The following RAB11FIP3 variants were observed in gnomAD, a reference collection of about 807,000 sequenced individuals.
RAB11FIP3 encodes the protein RAB11 family interacting protein 3.
RAB11FIP3 carries 17 observed loss-of-function variants against 77.8 expected under a neutral mutation model. That is an observed-to-expected ratio of 0.22 (90% CI 0.15 to 0.33). The LOEUF (loss-of-function observed/expected upper bound fraction) is 0.33. RAB11FIP3 is among the 10% of genes least tolerant of loss of function. RAB11FIP3 has a pLI of 1.00. For missense variants in RAB11FIP3, 1,005 were observed against 1,011.2 expected (o/e 0.99, Z 0.08); for synonymous variants, 437 against 448.2 (o/e 0.98, Z 0.31).
rs2055820103 is a variant in RAB11FIP3, at chr16:472,109, C to T, written c.903+720C>T. Among the ~76,000 whole-genome samples, 1 of 152,202 alleles carries T rather than the reference C, an allele frequency of 6.6e-6. No individual in the cohort carries two copies. The highest frequency in any genetic ancestry group is 1.5e-5 in the Non-Finnish European group (1 of 68,036). On this transcript the variant is annotated intron_variant, in intron 3 of 13. Transcript: ENST00000262305. The surrounding 1 kb of genome is among the most constrained non-coding windows in gnomAD (Gnocchi z 4.1). The stretch of plus-strand genomic sequence containing the variant: ...CTGCTGGCCGGTAGGGCCTGGGCTT[C>T]TCATGTCAGTCCTCTGAGCCCTGAC...
intron 1 of RAB11FIP3, among the ~76,000 whole-genome samples, chr16:435,365 A>G (rs754357563): frequency 2.0e-5 from 3 of 152,174 alleles, no homozygotes; most frequent in Non-Finnish European, 4.4e-5. Flanking sequence ...AAATTCTGGA[A>G]ACATTCAATG....
At chr16:496,897 A>T in intron 6 of RAB11FIP3, 38 bp downstream of exon 6, 4 of 1,509,992 alleles carry the variant, frequency 2.6e-6, no homozygotes, top group Non-Finnish European at 2.7e-6. Context: ...AAACGTTCTG[A>T]AGTGGATAAT....
Position 496,848 on chromosome 16 carries a change from G to A in RAB11FIP3, c.1290G>A (p.Lys430=), listed in dbSNP as rs777681682. The A allele has an allele frequency of 6.3e-7, 1 of 1,594,330 alleles. No homozygotes were observed. The highest frequency in any genetic ancestry group is 1.1e-5 in the South Asian group (1 of 90,626). The change falls in exon 6 of 14, where the codon AAG becomes AAA. Residue 430 remains lysine, a synonymous_variant. Transcript: ENST00000262305. ...TPSPTKRLSS[K]KVARYLHQSG... is the part of the protein sequence containing the mutation. ...GTCCGACAAAGCGGCTCTCCAGCAA[G>A]AAGGTGGCAAGGTAGGTGGGTCTCT...
intron 5 of RAB11FIP3, among the ~76,000 whole-genome samples, chr16:492,456 T>C (rs34282846): frequency 0.11 from 1,853 of 17,112 alleles, 169 homozygotes; most frequent in East Asian, 0.29. Flanking sequence ...CCAGGGCCCT[T>C]CCCGGGGAGA....
intron 2 of RAB11FIP3, among the ~76,000 whole-genome samples, chr16:465,482 G>T (rs2055686397): frequency 6.6e-6 from 1 of 152,226 alleles, no homozygotes; most frequent in Non-Finnish European, 1.5e-5. Flanking sequence ...AAGATTGGAG[G>T]AGGGAAAATG....
intron 5 of RAB11FIP3, among the ~76,000 whole-genome samples, chr16:492,271 G>T (rs899151763): frequency 1.3e-5 from 2 of 151,350 alleles, no homozygotes; most frequent in African/African-American, 4.9e-5. Context: ...TGGAGAGGAT[G>T]GGGGTGGGGC....
chr16:482,224 GTT>G (rs1361769686), intron 3 of RAB11FIP3, among the ~76,000 whole-genome samples: 1 of 152,216 alleles, frequency 6.6e-6, no homozygotes, highest in East Asian at 1.9e-4. Context: ...ATCTAGGTAA[GTT>G]TTGTATTTTT....
At chr16:449,088 C>G (rs1483644290) in intron 1 of RAB11FIP3, among the ~76,000 whole-genome samples, 5 of 152,102 alleles carry the variant, frequency 3.3e-5, no homozygotes, top group Admixed American at 6.6e-5. Flanking sequence ...CAGTAGAGTC[C>G]TCCTCATGCT....
chr16:464,502 C>T (rs1476177721), intron 2 of RAB11FIP3, among the ~76,000 whole-genome samples: 2 of 152,200 alleles, frequency 1.3e-5, no homozygotes, highest in Non-Finnish European at 2.9e-5. Context: ...TGGGACATGG[C>T]AGCTGTGCCC....
Position 472,439 on chromosome 16 carries a change from T to A in RAB11FIP3, c.903+1050T>A, listed in dbSNP as rs1206253649. Reference sequence around the variant, plus strand: ...CGTGAGGCAGCAGTGAGGTGCTGGCTAAGAGGGCGTGTGGTGGGAGTTGGA... The same window carrying A: ...CGTGAGGCAGCAGTGAGGTGCTGGCAAAGAGGGCGTGTGGTGGGAGTTGGA... On this transcript the variant is annotated intron_variant, in intron 3 of 13. Coordinates refer to ENST00000262305, the MANE Select transcript of RAB11FIP3 (RefSeq NM_014700.4). The surrounding 1 kb of genome is among the most constrained non-coding windows in gnomAD (Gnocchi z 4.1). Among the ~76,000 whole-genome samples the A allele has an allele frequency of 6.6e-6, 1 of 152,198 alleles. No homozygotes were observed. Among genetic ancestry groups the A allele is most frequent in the African/African-American group, 2.4e-5 (1 of 41,440 alleles).
intron 9 of RAB11FIP3, among the ~76,000 whole-genome samples, chr16:512,962 G>A (rs1323266434): frequency 6.6e-6 from 1 of 151,308 alleles, no homozygotes; most frequent in African/African-American, 2.4e-5. Context: ...GATTACCAGC[G>A]TGAGCCACTG....
intron 1 of RAB11FIP3, among the ~76,000 whole-genome samples, chr16:455,157 T>C (rs972723485): frequency 1.3e-5 from 2 of 150,884 alleles, no homozygotes; most frequent in East Asian, 2.0e-4. Flanking sequence ...TACAGTGATA[T>C]GTAAAAATCA....
intron 3 of RAB11FIP3, chr16:482,253 A>T (rs143489661): frequency 5.0e-6 from 3 of 605,736 alleles, no homozygotes; most frequent in Non-Finnish European, 9.2e-6. Context: ...GACAAATTTC[A>T]CTTTGTTGGC....
In RAB11FIP3 at chr16:510,684, G is replaced by A; in HGVS notation, c.1524G>A (p.Leu508=). 1.2e-6 allele frequency: 2 copies of A among 1,610,850 alleles called. No homozygotes were observed. The highest frequency in any genetic ancestry group is 1.7e-6 in the Non-Finnish European group (2 of 1,178,946). ...GAGCAAACGCCCTGGAGGAGCAGCTGAAGGAGCAGGAGCTGAGAGCCTGCG... is the reference window on the plus strand; with the variant it reads ...GAGCAAACGCCCTGGAGGAGCAGCTAAAGGAGCAGGAGCTGAGAGCCTGCG... ...VHRANALEEQ[L]KEQELRACEM... is the part of the protein sequence containing the mutation. The change falls in exon 9 of 14, where the codon CTG becomes CTA. Residue 508 remains leucine, a synonymous_variant. Coordinates refer to ENST00000262305, the MANE Select transcript of RAB11FIP3 (RefSeq NM_014700.4).
At chr16:501,809 G>T (rs1405485749) in intron 6 of RAB11FIP3, among the ~76,000 whole-genome samples, 6 of 150,264 alleles carry the variant, frequency 4.0e-5, no homozygotes, top group Admixed American at 2.0e-4. Context: ...TTCAGAGAGG[G>T]TCCCCCCATT....
chr16:452,779 G>A (rs12922768), intron 1 of RAB11FIP3, among the ~76,000 whole-genome samples: 2 of 57,934 alleles, frequency 3.5e-5, no homozygotes, highest in Non-Finnish European at 6.7e-5. Flanking sequence ...TTTTTGAGAC[G>A]GAGTCTCGCT....
intron 9 of RAB11FIP3, among the ~76,000 whole-genome samples, chr16:511,297 CTTGACAG>C: frequency 5.3e-5 from 7 of 131,640 alleles, no homozygotes; most frequent in African/African-American, 8.9e-5. Flanking sequence ...AGGAGAGGTT[CTTGACAG>C]CCCGCCCACC....
intron 3 of RAB11FIP3, among the ~76,000 whole-genome samples, chr16:476,171 A>G (rs2055904145): frequency 6.6e-6 from 1 of 152,184 alleles, no homozygotes; most frequent in Non-Finnish European, 1.5e-5. Context: ...TACTTTAGAA[A>G]TGAGAAGGTG....
In RAB11FIP3 at chr16:522,044, T is replaced by TGCGTGCGTGC. The variant is rs58290701; in HGVS notation, c.*1205_*1206insGCGTGCGTGC. On this transcript the variant is annotated 3_prime_UTR_variant, in exon 14 of 14. Transcript: ENST00000262305. Reference sequence around the variant, plus strand: ...CGCTGCGTGTGTGTGCGCGCGCGTGTACGTGTGGCCCCACATCCGCCGCCT... The same window carrying TGCGTGCGTGC: ...CGCTGCGTGTGTGTGCGCGCGCGTGTGCGTGCGTGCACGTGTGGCCCCACATCCGCCGCCT... 7.9e-5 allele frequency: 12 copies of TGCGTGCGTGC among 151,848 alleles called. No individual in the cohort carries two copies. Among genetic ancestry groups the TGCGTGCGTGC allele is most frequent in the African/African-American group, 2.7e-4 (11 of 41,346 alleles). The allele number at this position is 151,848 out of a possible 1,614,324, so 9.4% of individuals were successfully genotyped here. A position where few individuals can be genotyped will look rare whatever the true frequency, so the allele number is the denominator to read the frequency against.
Sources: gnomAD v4.1 joint callset for allele counts (sites outside exome capture counted in the v4.1 genomes callset) on GRCh38, gnomAD v4.1.1 for gene constraint, Gnocchi (gnomAD v3.1) non-coding constraint, MANE v1.5 for transcripts, NCBI Gene and HGNC (gene_info 2026-07-23, HGNC 2026-07-21) for gene names.